The following SORT1 variants were observed in gnomAD, a reference collection of about 807,000 sequenced individuals.
SORT1 encodes sortilin 1, also known as sortilin.
SORT1 carries 39 observed loss-of-function variants against 101.7 expected under a neutral mutation model. That is an observed-to-expected ratio of 0.38 (90% CI 0.30 to 0.50). The LOEUF (loss-of-function observed/expected upper bound fraction) is 0.50. Ranked by LOEUF, SORT1 falls within the 20% of genes least tolerant of loss-of-function variation. The pLI, the probability that SORT1 is intolerant of heterozygous loss-of-function variation, is 0.90. For synonymous variants in SORT1, 396 were observed against 393.7 expected (o/e 1.01, Z -0.07); for missense variants, 878 against 1,040.4 (o/e 0.84, Z 2.15).
At chr1:109,336,828 A>G (rs1167938615) in intron 10 of SORT1, among the ~76,000 whole-genome samples, 1 of 145,532 alleles carries the variant, frequency 6.9e-6, no homozygotes, top group African/African-American at 2.5e-5. Context: ...AAAAAAAAAA[A>G]GATATTTGAA....
At chr1:109,352,152 A>G (rs971723117) in intron 5 of SORT1, among the ~76,000 whole-genome samples, 8 of 152,144 alleles carry the variant, frequency 5.3e-5, no homozygotes, top group Non-Finnish European at 1.0e-4. Context: ...TCAGTTTTAA[A>G]TTGATTTAAG....
chr1:109,353,899 G>A (rs1193493232), intron 5 of SORT1, among the ~76,000 whole-genome samples: 2 of 152,070 alleles, frequency 1.3e-5, no homozygotes, highest in South Asian at 2.1e-4. Flanking sequence ...GGTAGGGAGC[G>A]CAGGGATTTA....
chr1:109,321,483 C>A (rs555384017), intron 15 of SORT1, among the ~76,000 whole-genome samples: 3 of 152,076 alleles, frequency 2.0e-5, no homozygotes, highest in Non-Finnish European at 2.9e-5. Context: ...AGGAGAGAAC[C>A]CTTTACAGTG....
At chr1:109,393,799 T>A (rs1653040573) in intron 1 of SORT1, among the ~76,000 whole-genome samples, 1 of 152,156 alleles carries the variant, frequency 6.6e-6, no homozygotes. Flanking sequence ...CAATGTGATA[T>A]GTTGTAATAC....
At chr1:109,344,914 C>A (rs573892530) in intron 8 of SORT1, among the ~76,000 whole-genome samples, 17 of 152,136 alleles carry the variant, frequency 1.1e-4, no homozygotes, top group African/African-American at 4.1e-4. Context: ...CCAGGCTGGT[C>A]TTGAATTCCT....
At chr1:109,371,508 A>C (rs775318337) in intron 1 of SORT1, among the ~76,000 whole-genome samples, 1 of 152,214 alleles carries the variant, frequency 6.6e-6, no homozygotes. Flanking sequence ...AAAGTCCATC[A>C]GTTATGGCAC....
In SORT1 at chr1:109,317,917, C is replaced by G. The variant is rs761536586; in HGVS notation, c.2077G>C (p.Glu693Gln). 3 of 1,614,216 alleles carry G rather than the reference C, an allele frequency of 1.9e-6. No individual in the cohort carries two copies. Among genetic ancestry groups the G allele is most frequent in the African/African-American group, 2.7e-5 (2 of 75,066 alleles). ...ENDSKCVEQP[E>Q]LKGHDLEFCL... ...AACTCCAGGTCGTGGCCCTTCAGTTCTGGCTGTTCCACACACTTGGAGTCA... is the reference window on the plus strand; with the variant it reads ...AACTCCAGGTCGTGGCCCTTCAGTTGTGGCTGTTCCACACACTTGGAGTCA... The change falls in exon 16 of 20, where the codon GAA becomes CAA. Residue 693 changes from glutamate (E) to glutamine (Q), a missense_variant. Transcript: ENST00000256637.
chr1:109,375,704 G>A (rs1472649472), intron 1 of SORT1, among the ~76,000 whole-genome samples: 1 of 151,682 alleles, frequency 6.6e-6, no homozygotes, highest in African/African-American at 2.4e-5. Flanking sequence ...ATCAGCAATA[G>A]AGAAAAATCT....
intron 5 of SORT1, among the ~76,000 whole-genome samples, chr1:109,351,784 A>G (rs1255356467): frequency 6.6e-6 from 1 of 152,184 alleles, no homozygotes; most frequent in Non-Finnish European, 1.5e-5. Context: ...GTGAATGGGA[A>G]AGATGGATTT....
chr1:109,350,996 G>A lies in SORT1; in HGVS notation c.715C>T (p.Leu239=). 6.2e-7 allele frequency: 1 copy of A among 1,606,426 alleles called. No individual in the cohort carries two copies. Among genetic ancestry groups the A allele is most frequent in the Non-Finnish European group, 8.5e-7 (1 of 1,172,886 alleles). Residue 239 remains leucine, a synonymous_variant, in exon 6 of 20, where the codon CTG becomes TTG. Transcript: ENST00000256637. ...CCCCCAAAATTCTTGGACACCCACA[G>A]GCCATTCTGAAAGATTATAAATGAC... ...YLLALSTENG[L]WVSKNFGGKW...
intron 1 of SORT1, among the ~76,000 whole-genome samples, chr1:109,372,089 A>G (rs1651513461): frequency 6.6e-6 from 1 of 152,190 alleles, no homozygotes; most frequent in African/African-American, 2.4e-5. Context: ...TGCCACTTCA[A>G]TGGGAGAAAA....
At chr1:109,353,254 G>A (rs1210751719) in intron 5 of SORT1, among the ~76,000 whole-genome samples, 1 of 151,274 alleles carries the variant, frequency 6.6e-6, no homozygotes, top group African/African-American at 2.4e-5. Context: ...CTTGTACCCG[G>A]GAGGCGGAGG....
At chr1:109,357,965 A>G (rs1411861326) in intron 3 of SORT1, among the ~76,000 whole-genome samples, 1 of 152,218 alleles carries the variant, frequency 6.6e-6, no homozygotes, top group African/African-American at 2.4e-5. Flanking sequence ...TAAATCTTCC[A>G]AAGGGGTTGA....
At chr1:109,349,339 C>T (rs1361338265) in intron 6 of SORT1, among the ~76,000 whole-genome samples, 4 of 151,714 alleles carry the variant, frequency 2.6e-5, no homozygotes, top group East Asian at 1.9e-4. Context: ...AGCAAGACTC[C>T]GTCTCAAGAA....
chr1:109,344,450 C>T (rs1046021077), intron 8 of SORT1, among the ~76,000 whole-genome samples: 1 of 152,196 alleles, frequency 6.6e-6, no homozygotes, highest in African/African-American at 2.4e-5. Flanking sequence ...TGTGCTCCCC[C>T]CATACTGCCC....
In SORT1 at chr1:109,341,314, T is replaced by C. The variant is rs367926591; in HGVS notation, c.1109-435A>G. Among the ~76,000 whole-genome samples, 44 of 152,240 alleles carry C rather than the reference T, an allele frequency of 2.9e-4. 2 individuals are homozygous for C. The East Asian group carries it at 4.4e-3, about 15-fold the overall frequency. On this transcript the variant is annotated intron_variant, in intron 9 of 19. Coordinates refer to ENST00000256637, the MANE Select transcript of SORT1 (RefSeq NM_002959.7). The stretch of plus-strand genomic sequence containing the variant: ...TGTAAAACATAATAAAAACTAATCA[T>C]TAGAAAATGAAAAGGTAAACAAAAT...
rs116059439 is a variant in SORT1 at position 109,382,796 on chromosome 1, C to G, written c.307-13207G>C. Among the ~76,000 whole-genome samples, 797 of 152,248 alleles carry G rather than the reference C, an allele frequency of 5.2e-3. 3 individuals carry two copies. Among genetic ancestry groups the G allele is most frequent in the African/African-American group, 8.4e-3 (347 of 41,536 alleles). ...ATTCATTATGTTAGAAAGCAGGGGA[C>G]AGCTTGTACTACCTTCTCTAAAATG... On this transcript the variant is annotated intron_variant, in intron 1 of 19. Transcript: ENST00000256637.
In SORT1 at chr1:109,336,309, TC is replaced by T; in HGVS notation, c.1301del (p.Gly434GlufsTer7). On this transcript the variant is annotated frameshift_variant, in exon 11 of 20. Transcript: ENST00000256637. LOFTEE classifies it high-confidence loss of function. ...SIQTMITFDQ[G>X]GRWTHLRKPE... ...GCTTCCTCAGGTGCGTCCACCTTCC[TC>T]CTTGGTCAAAAGTGATCATGGTCTG... The T allele has an allele frequency of 6.2e-7, 1 of 1,613,346 alleles. No homozygotes were observed. Among genetic ancestry groups the T allele is most frequent in the Non-Finnish European group, 8.5e-7 (1 of 1,179,216 alleles).
chr1:109,333,215 C>T (rs921638827), intron 11 of SORT1, among the ~76,000 whole-genome samples: 1 of 152,170 alleles, frequency 6.6e-6, no homozygotes, highest in African/African-American at 2.4e-5. Context: ...CGTGAGCCAC[C>T]ACACCTGGCC....
Sources: gnomAD v4.1 joint callset for allele counts (sites outside exome capture counted in the v4.1 genomes callset) on GRCh38, gnomAD v4.1.1 for gene constraint, MANE v1.5 for transcripts, NCBI Gene and HGNC (gene_info 2026-07-23, HGNC 2026-07-21) for gene names.